The following LTBP2 variants were observed in gnomAD, a reference collection of about 807,000 sequenced individuals.
LTBP2 encodes latent-transforming growth factor beta-binding protein 2.
Under a neutral mutation model 210.6 loss-of-function variants are expected in LTBP2, and 103 were observed. The observed-to-expected ratio is 0.49, with a 90% CI of 0.42 to 0.58. LTBP2 has a LOEUF of 0.58. Ranked by LOEUF, LTBP2 falls within the 20% of genes least tolerant of loss-of-function variation. The pLI, the probability that LTBP2 is intolerant of heterozygous loss-of-function variation, is 0.00. For missense variants in LTBP2, 2,313 were observed against 2,494.5 expected (o/e 0.93, Z 1.55); for synonymous variants, 1,007 against 1,015.0 (o/e 0.99, Z 0.15).
chr14:74,509,343 G>T lies in LTBP2; in HGVS notation c.3298C>A (p.Pro1100Thr). The change falls in exon 22 of 36, where the codon CCG (proline) becomes ACG (threonine). Residue 1100 changes from proline to threonine, a missense_variant. Pro to Thr is a conservative substitution (Grantham distance 38). Around this residue, in one of 3 missense-constraint regions of LTBP2, gnomAD observed 1,867 missense variants for 1,976.9 expected, o/e 0.94. Coordinates refer to ENST00000261978, the MANE Select transcript of LTBP2 (RefSeq NM_000428.3). Reference sequence around the variant, plus strand: ...CAGACTCCGGAGGGGCAGACTCCCGGGAAGGCACACTCATCTAGGTCTGCA... The same window carrying T: ...CAGACTCCGGAGGGGCAGACTCCCGTGAAGGCACACTCATCTAGGTCTGCA... ...ACEDLDECAFPGVCPSGVCTN... is the reference protein window; with the variant it reads ...ACEDLDECAFTGVCPSGVCTN... 1 of 1,613,518 alleles carries T rather than the reference G, an allele frequency of 6.2e-7. No individual in the cohort carries two copies. The highest frequency in any genetic ancestry group is 1.7e-5 in the Admixed American group (1 of 60,024).
intron 1 of LTBP2, among the ~76,000 whole-genome samples, chr14:74,610,847 C>T (rs1015266290): frequency 1.2e-4 from 19 of 152,250 alleles, no homozygotes; most frequent in Admixed American, 2.0e-4. Context: ...GTCGCAGCCT[C>T]ATCAGGACAC....
Position 74,506,088 on chromosome 14 carries a change from G to A in LTBP2, c.4137C>T (p.Tyr1379=), listed in dbSNP as rs148193876. Residue 1379 remains tyrosine, a synonymous_variant, in exon 28 of 36, where the codon TAC becomes TAT. Coordinates refer to ENST00000261978, the MANE Select transcript of LTBP2 (RefSeq NM_000428.3). ...GGCGGCAGTGCCCCTCCTGGGCATC[G>A]TACTCCTCCAGGTCACTGGCACAGA... The part of the protein sequence containing the change: ...LCLCASDLEE[Y]DAQEGHCRPR... 68 of 1,614,038 alleles carry A rather than the reference G, an allele frequency of 4.2e-5. No individual in the cohort carries two copies. The highest frequency in any genetic ancestry group is 6.7e-5 in the African/African-American group (5 of 74,940).
chr14:74,532,532 C>T lies in LTBP2; in HGVS notation c.1881G>A (p.Leu627=). ...LTHCQDINEC[L]TLGLCKDAEC... The stretch of plus-strand genomic sequence containing the variant: ...CCGCGTCCTTGCACAGGCCCAGGGT[C>T]AAGCACTCGTTGATATCTGCAGGGT... Residue 627 remains leucine, a synonymous_variant, in exon 10 of 36, where the codon TTG becomes TTA. Transcript: ENST00000261978. The T allele has an allele frequency of 1.2e-6, 2 of 1,614,150 alleles. No individual in the cohort carries two copies. Among genetic ancestry groups the T allele is most frequent in the Non-Finnish European group, 1.7e-6 (2 of 1,180,028 alleles).
chr14:74,571,491 C>T (rs10150419), intron 3 of LTBP2, among the ~76,000 whole-genome samples: 9,976 of 152,314 alleles, frequency 0.065, 374 homozygotes, highest in Middle Eastern at 0.095. Flanking sequence ...GGTTAAATCA[C>T]TCACTGTAGG....
rs751200478 is a variant in LTBP2, at chr14:74,502,904, C to A, written c.4919G>T (p.Arg1640Leu). Residue 1640 changes from arginine to leucine, a missense_variant, in exon 34 of 36, where the codon CGC becomes CTC. Physicochemically the swap from Arg to Leu is moderately radical, Grantham distance 102 (BLOSUM62 -2). Transcript: ENST00000261978. ...CCCGGCCTCCCGCTCTGCCTCAATG[C>A]GAGCCACGTTGCACAGCTGAGCATA... ...EVYAQLCNVARIEAEREAGVH... is the reference protein window; with the variant it reads ...EVYAQLCNVALIEAEREAGVH... 2 of 1,612,624 alleles carry A rather than the reference C, an allele frequency of 1.2e-6. No homozygotes were observed. Among genetic ancestry groups the A allele is most frequent in the East Asian group, 2.2e-5 (1 of 44,896 alleles).
At chr14:74,511,444 C>T (rs936150045) in intron 18 of LTBP2, 80 bp from the exon 19 acceptor site, 20 of 1,583,238 alleles carry the variant, frequency 1.3e-5, no homozygotes, top group Non-Finnish European at 8.7e-7. Flanking sequence ...AAATCCTTGT[C>T]CCTGCCTTTG....
intron 8 of LTBP2, among the ~76,000 whole-genome samples, chr14:74,542,867 A>C (rs902962242): frequency 2.0e-5 from 3 of 151,672 alleles, no homozygotes; most frequent in Non-Finnish European, 4.4e-5. Context: ...CCTGGGTTCA[A>C]GCAATTCTCC....
At chr14:74,587,359 T>G (rs895203287) in intron 2 of LTBP2, among the ~76,000 whole-genome samples, 3 of 151,640 alleles carry the variant, frequency 2.0e-5, no homozygotes, top group Admixed American at 2.0e-4. Context: ...AAGAAAACAA[T>G]AGCATGATGT....
Position 74,564,605 on chromosome 14 carries a change from G to C in LTBP2, c.831-8912C>G, listed in dbSNP as rs1209734701. ...TCACCATATTGGCCAGGCTGGTCTT[G>C]AACTCTTGACCTGGTGATCCGCCCA... On this transcript the variant is annotated intron_variant, in intron 3 of 35. Transcript: ENST00000261978. Among the ~76,000 whole-genome samples, 43 of 150,632 alleles carry C rather than the reference G, an allele frequency of 2.9e-4. No individual in the cohort carries two copies. In the Admixed American group the frequency reaches 2.9e-3, roughly 10 times the overall value.
Position 74,537,868 on chromosome 14 carries a change from C to T in LTBP2, c.1790-1868G>A, listed in dbSNP as rs549734348. Among the ~76,000 whole-genome samples, 173 of 152,252 alleles carry T rather than the reference C, an allele frequency of 1.1e-3. 1 individual carries two copies. Among genetic ancestry groups the T allele is most frequent in the African/African-American group, 3.9e-3 (164 of 41,544 alleles). On this transcript the variant is annotated intron_variant, in intron 8 of 35. Coordinates refer to ENST00000261978, the MANE Select transcript of LTBP2 (RefSeq NM_000428.3). The stretch of plus-strand genomic sequence containing the variant: ...TTCCTGGGTTCAAGTAATTCTCCTG[C>T]CTCAGCCTCCCGAGTAGCTGGGATT...
chr14:74,502,701 G>A lies in LTBP2; in HGVS notation c.5122C>T (p.Pro1708Ser). 2 of 1,614,226 alleles carry A rather than the reference G, an allele frequency of 1.2e-6. No individual in the cohort carries two copies. The highest frequency in any genetic ancestry group is 1.7e-6 in the Non-Finnish European group (2 of 1,180,044). ...GGCTGGAGTTCTGAGGGCTGCAAAGGAGACTCAAGGATGGGTGTGCGGTCC... is the reference window on the plus strand; with the variant it reads ...GGCTGGAGTTCTGAGGGCTGCAAAGAAGACTCAAGGATGGGTGTGCGGTCC... ...SADRTPILES[P>S]LQPSELQPHY... is the part of the protein sequence containing the mutation. Residue 1708 changes from proline to serine, a missense_variant, in exon 34 of 36, where the codon CCT (proline) becomes TCT (serine). Pro to Ser is a moderately conservative substitution (Grantham distance 74, BLOSUM62 -1). Coordinates refer to ENST00000261978, the MANE Select transcript of LTBP2 (RefSeq NM_000428.3).
intron 2 of LTBP2, among the ~76,000 whole-genome samples, chr14:74,589,456 C>A (rs1160452215): frequency 1.3e-5 from 2 of 152,240 alleles, no homozygotes; most frequent in African/African-American, 4.8e-5. Flanking sequence ...GTTTTAATAG[C>A]ATTCCAACCA....
At chr14:74,549,315 T>C (rs935791035) in intron 8 of LTBP2, among the ~76,000 whole-genome samples, 1 of 9,302 alleles carries the variant, frequency 1.1e-4, no homozygotes, top group African/African-American at 1.3e-4. Context: ...ATTTGCTGAA[T>C]GAATGAATGA....
chr14:74,560,649 C>T (rs922240965), intron 3 of LTBP2, among the ~76,000 whole-genome samples: 3 of 152,246 alleles, frequency 2.0e-5, no homozygotes, highest in African/African-American at 2.4e-5. Flanking sequence ...CTTCATAAAT[C>T]GGGCTTCCAA....
chr14:74,543,855 T>C (rs1234090077), intron 8 of LTBP2, among the ~76,000 whole-genome samples: 2 of 152,250 alleles, frequency 1.3e-5, no homozygotes, highest in Non-Finnish European at 2.9e-5. Context: ...TGCCCAAAGA[T>C]GGCCTCTGAC....
At position 74,586,091 on chromosome 14, in the gene LTBP2, C is replaced by G; in HGVS notation, c.593G>C (p.Arg198Pro). The G allele has an allele frequency of 6.2e-7, 1 of 1,600,496 alleles. No individual in the cohort carries two copies. The highest frequency in any genetic ancestry group is 8.5e-7 in the Non-Finnish European group (1 of 1,174,074). The change falls in exon 3 of 36, where the codon CGG (arginine) becomes CCG (proline). Residue 198 changes from arginine (R) to proline (P), a missense_variant. Arg to Pro is a moderately radical substitution (Grantham distance 103). Coordinates refer to ENST00000261978, the MANE Select transcript of LTBP2 (RefSeq NM_000428.3). This position sits in a 1 kb window ranked among gnomAD's most constrained non-coding sequence, Gnocchi z 4.6. ...KPVCEPPCQN[R>P]GSCSRPQLCV... ...GAGCTGCGGGCGGCTGCAGGAGCCC[C>G]GGTTCTGGCACGGCGGCTCGCAAAC...
chr14:74,507,249 G>T lies in LTBP2; in HGVS notation c.3837C>A (p.Ser1279Arg), dbSNP rs747855839. The part of the protein sequence containing the change: ...PVCGTWKCEN[S>R]PGSYRCVLGC... ...CCAGAACACAGCGGTAGGAGCCAGG[G>T]CTGTTTTCACACTTCCAGGTGCCAC... Residue 1279 changes from serine to arginine, a missense_variant, in exon 26 of 36, where the codon AGC becomes AGA. By Grantham distance (110) the Ser-to-Arg change is moderately radical. This residue lies in a region of LTBP2 where 1,867 missense variants were observed against 1,976.9 expected (regional missense o/e 0.94). Coordinates refer to ENST00000261978, the MANE Select transcript of LTBP2 (RefSeq NM_000428.3). The T allele has an allele frequency of 6.2e-6, 10 of 1,614,084 alleles. No individual in the cohort carries two copies. In the East Asian group the frequency reaches 8.9e-5, roughly 14 times the overall value.
chr14:74,566,410 C>T (rs2087902957), intron 3 of LTBP2, among the ~76,000 whole-genome samples: 1 of 152,236 alleles, frequency 6.6e-6, no homozygotes, highest in South Asian at 2.1e-4. Flanking sequence ...CCGGCCAAAG[C>T]GCAGAGGCTG....
At chr14:74,538,472 G>T (rs979139898) in intron 8 of LTBP2, among the ~76,000 whole-genome samples, 21 of 150,484 alleles carry the variant, frequency 1.4e-4, no homozygotes, top group African/African-American at 5.1e-4. Flanking sequence ...CTTTGCAGGA[G>T]CTTTTAAGAG....
Sources: allele counts gnomAD v4.1 joint callset (sites outside exome capture counted in the v4.1 genomes callset), GRCh38; gene constraint gnomAD v4.1.1; regional missense constraint gnomAD v4.1.1; non-coding constraint Gnocchi (gnomAD v3.1); transcripts MANE v1.5; gene names NCBI Gene and HGNC (gene_info 2026-07-23, HGNC 2026-07-21).